The following RALGAPB variants were observed in gnomAD, a reference collection of about 807,000 sequenced individuals.
The protein encoded by RALGAPB is ral GTPase-activating protein subunit beta.
In RALGAPB, 25 loss-of-function variants were observed where a neutral mutation model predicts 161.1. That is an observed-to-expected ratio of 0.16 (90% CI 0.11 to 0.22). The LOEUF (loss-of-function observed/expected upper bound fraction) is 0.22. Ranked by LOEUF, RALGAPB falls within the 10% of genes least tolerant of loss-of-function variation. The pLI, the probability that RALGAPB is intolerant of heterozygous loss-of-function variation, is 1.00. For missense variants in RALGAPB, 1,391 were observed against 1,815.2 expected (o/e 0.77, Z 4.25); for synonymous variants, 629 against 626.1 (o/e 1.00, Z -0.07).
rs1224796564 is a variant in RALGAPB at position 38,517,616 on chromosome 20, G to C, written c.1162G>C (p.Ala388Pro). Residue 388 changes from alanine to proline, a missense_variant, in exon 8 of 30, where the codon GCT (alanine) becomes CCT (proline). By Grantham distance (27) the Ala-to-Pro change is conservative. This residue lies in a region of RALGAPB where 946 missense variants were observed against 1,257.2 expected (regional missense o/e 0.75). Coordinates refer to ENST00000262879, the MANE Select transcript of RALGAPB (RefSeq NM_020336.4). Reference sequence around the variant, plus strand: ...CCCCCCACATAACCGGAGGCACCGGGCTGTTACTGTGAATAAGGCCACCAT... The same window carrying C: ...CCCCCCACATAACCGGAGGCACCGGCCTGTTACTGTGAATAAGGCCACCAT... ...TTPPHNRRHR[A>P]VTVNKATMKT... 1 of 1,613,992 alleles carries C rather than the reference G, an allele frequency of 6.2e-7. No individual in the cohort carries two copies.
At chr20:38,525,751 T>G in intron 12 of RALGAPB, 144 bp from the exon 13 acceptor site, 1 of 883,944 alleles carries the variant, frequency 1.1e-6, no homozygotes, top group South Asian at 1.8e-5. Flanking sequence ...ATTAACATAT[T>G]GTTAGTGACA....
In RALGAPB at chr20:38,493,031, T is replaced by G; in HGVS notation, c.288T>G (p.Ala96=). ...CVDVYTDWIM[A]LVLPKDSIPL... Reference sequence around the variant, plus strand: ...ATGTATATACAGACTGGATTATGGCTTTAGTGTTGCCAAAAGATTCTATTC... The same window carrying G: ...ATGTATATACAGACTGGATTATGGCGTTAGTGTTGCCAAAAGATTCTATTC... Residue 96 remains alanine, a synonymous_variant, in exon 3 of 30, where the codon GCT becomes GCG. Transcript: ENST00000262879. 1 of 1,611,508 alleles carries G rather than the reference T, an allele frequency of 6.2e-7. No homozygotes were observed. Among genetic ancestry groups the G allele is most frequent in the East Asian group, 2.2e-5 (1 of 44,764 alleles).
At chr20:38,520,562 T>C (rs1430115178) in intron 9 of RALGAPB, among the ~76,000 whole-genome samples, 1 of 151,058 alleles carries the variant, frequency 6.6e-6, no homozygotes, top group South Asian at 2.1e-4. Flanking sequence ...TTTAAGCTTA[T>C]TTTTATACAG....
chr20:38,513,646 CAA>C (rs552989712), intron 6 of RALGAPB, among the ~76,000 whole-genome samples: 22 of 91,736 alleles, frequency 2.4e-4, no homozygotes, highest in African/African-American at 3.4e-4. Flanking sequence ...AAGACTGTCT[CAA>C]AAAAAAAAAA....
At chr20:38,523,312 A>C (rs746947435) in intron 10 of RALGAPB, among the ~76,000 whole-genome samples, 1 of 152,196 alleles carries the variant, frequency 6.6e-6, no homozygotes, top group African/African-American at 2.4e-5. Flanking sequence ...GGTGGGTCAC[A>C]TAAGGGTGTT....
intron 18 of RALGAPB, among the ~76,000 whole-genome samples, chr20:38,545,809 A>T (rs1178236738): frequency 1.3e-5 from 2 of 152,036 alleles, no homozygotes; most frequent in Non-Finnish European, 2.9e-5. Context: ...ATAATGAGAA[A>T]ATATGGCTTT....
intron 18 of RALGAPB, among the ~76,000 whole-genome samples, chr20:38,545,115 A>G (rs993064219): frequency 6.6e-6 from 1 of 152,178 alleles, no homozygotes; most frequent in South Asian, 2.1e-4. Context: ...TGGACATTTA[A>G]TGAGCATATC....
chr20:38,560,826 ATT>A (rs2087761237), intron 23 of RALGAPB, among the ~76,000 whole-genome samples: 1 of 152,150 alleles, frequency 6.6e-6, no homozygotes, highest in Non-Finnish European at 1.5e-5. Flanking sequence ...ATTAAGATTA[ATT>A]TCTGTCTGCC....
Position 38,565,412 on chromosome 20 carries a change from G to A in RALGAPB, c.3751G>A (p.Val1251Met). 1 of 1,613,388 alleles carries A rather than the reference G, an allele frequency of 6.2e-7. No homozygotes were observed. The highest frequency in any genetic ancestry group is 8.5e-7 in the Non-Finnish European group (1 of 1,179,464). The change falls in exon 25 of 30, where the codon GTG becomes ATG. Residue 1251 changes from valine to methionine, a missense_variant. Val to Met is a conservative substitution (Grantham distance 21, BLOSUM62 1). Coordinates refer to ENST00000262879, the MANE Select transcript of RALGAPB (RefSeq NM_020336.4). ...TAGCATTTTCAATGGACAGAAGAAG[G>A]TGCTGTATTATGCTGATGCCCTTAC... ...GASIFNGQKK[V>M]LYYADALTEI... is the part of the protein sequence containing the mutation.
In RALGAPB at chr20:38,576,288, GT is replaced by G. The variant is rs1217218522; in HGVS notation, c.*1323del. ...TAAAGTCCAAAGAGGAATGATCACAGTTGTATAAGGGGTGTTTTCCCACTTG... is the reference window on the plus strand; with the variant it reads ...TAAAGTCCAAAGAGGAATGATCACAGTGTATAAGGGGTGTTTTCCCACTTG... On this transcript the variant is annotated 3_prime_UTR_variant, in exon 30 of 30. Coordinates refer to ENST00000262879, the MANE Select transcript of RALGAPB (RefSeq NM_020336.4). 6.5e-6 allele frequency: 1 copy of G among 152,688 alleles called. No homozygotes were observed. Among genetic ancestry groups the G allele is most frequent in the Non-Finnish European group, 1.5e-5 (1 of 68,056 alleles). The allele number at this position is 152,688 out of a possible 1,614,324, so 9.5% of individuals were successfully genotyped here.
intron 6 of RALGAPB, among the ~76,000 whole-genome samples, chr20:38,513,413 A>G (rs1300578904): frequency 1.4e-5 from 2 of 146,968 alleles, no homozygotes; most frequent in African/African-American, 5.0e-5. Flanking sequence ...CTGAGGCAGG[A>G]GAATCGCTTG....
intron 14 of RALGAPB, among the ~76,000 whole-genome samples, chr20:38,532,178 C>T (rs1057129350): frequency 6.6e-6 from 1 of 152,166 alleles, no homozygotes; most frequent in Admixed American, 6.5e-5. Context: ...GCCTCAGCCT[C>T]CCGAGTAGCT....
intron 10 of RALGAPB, among the ~76,000 whole-genome samples, chr20:38,523,663 GT>G (rs2086364530): frequency 6.6e-6 from 1 of 152,226 alleles, no homozygotes; most frequent in South Asian, 2.1e-4. Context: ...TAGATCTGGA[GT>G]TCAGTTGAGA....
chr20:38,574,743 A>G (rs963129664), intron 29 of RALGAPB, 31 bp from the exon 30 acceptor site: 104 of 1,582,830 alleles, frequency 6.6e-5, no homozygotes, highest in Non-Finnish European at 8.6e-5. Flanking sequence ...ACTAGTTTCT[A>G]ACGTTTATTT....
In RALGAPB at chr20:38,541,056, G is replaced by T. The variant is rs1427717456; in HGVS notation, c.2578G>T (p.Val860Leu). Residue 860 changes from valine to leucine, a missense_variant, in exon 18 of 30, where the codon GTA becomes TTA. By Grantham distance (32) the Val-to-Leu change is conservative. This residue lies in a region of RALGAPB where 946 missense variants were observed against 1,257.2 expected (regional missense o/e 0.75). Transcript: ENST00000262879. The stretch of plus-strand genomic sequence containing the variant: ...CTGCTTTTAGGACTGCCTTAAGGAA[G>T]TACTGGAGATTGTGGAACTGGGTAT... ...MLDEKDCLKEVLEIVELGISG... is the reference protein window; with the variant it reads ...MLDEKDCLKELLEIVELGISG... The T allele has an allele frequency of 1.2e-6, 2 of 1,613,974 alleles. No individual in the cohort carries two copies. The highest frequency in any genetic ancestry group is 1.7e-6 in the Non-Finnish European group (2 of 1,179,998).
intron 18 of RALGAPB, among the ~76,000 whole-genome samples, chr20:38,544,839 A>G (rs2087108949): frequency 6.6e-6 from 1 of 152,198 alleles, no homozygotes; most frequent in Admixed American, 6.5e-5. Context: ...ATTAAAATGT[A>G]CTCGGACTGC....
In RALGAPB at chr20:38,562,679, G is replaced by T; in HGVS notation, c.3679G>T (p.Gly1227Cys). The T allele has an allele frequency of 6.2e-7, 1 of 1,610,274 alleles. No individual in the cohort carries two copies. Among genetic ancestry groups the T allele is most frequent in the Non-Finnish European group, 8.5e-7 (1 of 1,178,792 alleles). Residue 1227 changes from glycine to cysteine, a missense_variant, in exon 24 of 30, where the codon GGT becomes TGT. Gly to Cys is a radical substitution (Grantham distance 159). Coordinates refer to ENST00000262879, the MANE Select transcript of RALGAPB (RefSeq NM_020336.4). ...TSWSINCCDD[G>C]EGSQQEVISS... ...TTGGTCTATTAATTGTTGTGATGAT[G>T]GTGAAGGATCTCAACAAGGTAAAAC...
chr20:38,484,319 G>A (rs6099894), intron 1 of RALGAPB, among the ~76,000 whole-genome samples: 50 of 152,146 alleles, frequency 3.3e-4, no homozygotes, highest in Non-Finnish European at 6.0e-4. Flanking sequence ...TGAAGTTGTA[G>A]GACCTCCATA....
chr20:38,486,691 A>C (rs970631837), intron 1 of RALGAPB, among the ~76,000 whole-genome samples: 2 of 152,198 alleles, frequency 1.3e-5, no homozygotes, highest in Non-Finnish European at 2.9e-5. Context: ...CCTGAATATT[A>C]AATATTCATT....
Sources: allele counts gnomAD v4.1 joint callset (sites outside exome capture counted in the v4.1 genomes callset), GRCh38; gene constraint gnomAD v4.1.1; regional missense constraint gnomAD v4.1.1; transcripts MANE v1.5; gene names NCBI Gene and HGNC (gene_info 2026-07-23, HGNC 2026-07-21).